ZFYVE9: variants seen among roughly 807,000 people sequenced by gnomAD.
The protein encoded by ZFYVE9 is zinc finger FYVE-type containing 9.
A neutral mutation model predicts 126.7 loss-of-function variants in ZFYVE9; 43 were observed. The ratio of observed to expected loss-of-function variants is 0.34; its 90% CI spans 0.27 to 0.44. The LOEUF (loss-of-function observed/expected upper bound fraction) is 0.44. ZFYVE9 is among the 20% of genes least tolerant of loss of function. The probability of loss-of-function intolerance (pLI) is 1.00; values close to 1 mark genes in which losing one functional copy is unlikely to be tolerated. For missense variants in ZFYVE9, 1,476 were observed against 1,697.0 expected, an observed-to-expected ratio of 0.87 and a Z score of 2.29; for synonymous variants, 521 against 597.4, an observed-to-expected ratio of 0.87 and a Z score of 1.87.
At chr1:52,249,100 C>G (rs1286203390) in intron 4 of ZFYVE9, among the ~76,000 whole-genome samples, 1 of 152,200 alleles carries the variant, frequency 6.6e-6, no homozygotes, top group Non-Finnish European at 1.5e-5. Context: ...TTTGCATGCT[C>G]TGTCTCTCCT....
chr1:52,303,927 T>C lies in ZFYVE9; in HGVS notation c.3438+2T>C. ...ATTCCCAGCAACAGATACAATGAGGTAAGATTTACCATGAAGGCGTATTTT... is the reference window on the plus strand; with the variant it reads ...ATTCCCAGCAACAGATACAATGAGGCAAGATTTACCATGAAGGCGTATTTT... On this transcript the variant is annotated splice_donor_variant, in intron 13 of 18. Transcript: ENST00000287727. LOFTEE classifies it high-confidence loss of function. 6.3e-7 allele frequency: 1 copy of C among 1,588,004 alleles called. No homozygotes were observed. Among genetic ancestry groups the C allele is most frequent in the Non-Finnish European group, 8.6e-7 (1 of 1,167,670 alleles).
At chr1:52,318,414 G>A (rs1255011957) in intron 13 of ZFYVE9, among the ~76,000 whole-genome samples, 1 of 135,308 alleles carries the variant, frequency 7.4e-6, no homozygotes, top group South Asian at 2.4e-4. Context: ...GTGTGTGTGT[G>A]TATCTTGGCA....
chr1:52,198,120 G>GTTTTTTTTTTTTTT lies in ZFYVE9; in HGVS notation c.-142-18246_-142-18245insTTTTTTTTTTTTTT, dbSNP rs373096573. On this transcript the variant is annotated intron_variant, in intron 1 of 18. Transcript: ENST00000287727. ...AAATAATATTGTAGTGTTTTTTTTT[G>GTTTTTTTTTTTTTT]TTTGTTTTTTTTTTTTTTTGAGATG... Among the ~76,000 whole-genome samples, 365 of 111,034 alleles carry GTTTTTTTTTTTTTT rather than the reference G, an allele frequency of 3.3e-3. 27 individuals are homozygous for GTTTTTTTTTTTTTT. The highest frequency in any genetic ancestry group is 6.2e-3 in the East Asian group (22 of 3,530). 72.8% of individuals were successfully genotyped at this position (111,034 alleles called of 152,430 possible). A position where few individuals can be genotyped will look rare whatever the true frequency, so the allele number is the denominator to read the frequency against.
intron 10 of ZFYVE9, 28 bp downstream of exon 10, chr1:52,281,844 T>C: frequency 2.5e-6 from 4 of 1,612,398 alleles, no homozygotes; most frequent in Non-Finnish European, 2.5e-6. Flanking sequence ...CTTAGTCTGC[T>C]CCCTTTGTAG....
chr1:52,234,859 T>C (rs1392978906), intron 3 of ZFYVE9, among the ~76,000 whole-genome samples: 1 of 152,212 alleles, frequency 6.6e-6, no homozygotes, highest in East Asian at 1.9e-4. Context: ...TTTTATTTGA[T>C]TTAGCCCTCT....
At chr1:52,159,821 A>C (rs1021456088) in intron 1 of ZFYVE9, among the ~76,000 whole-genome samples, 2 of 150,728 alleles carry the variant, frequency 1.3e-5, no homozygotes, top group East Asian at 3.9e-4. Flanking sequence ...TTTGAGATGG[A>C]GTCTCGCTCT....
At chr1:52,203,858 A>G (rs1263355988) in intron 1 of ZFYVE9, among the ~76,000 whole-genome samples, 2 of 152,084 alleles carry the variant, frequency 1.3e-5, no homozygotes, top group African/African-American at 4.8e-5. Context: ...AAGCCTATCA[A>G]AGGCATTCTT....
At chr1:52,150,850 A>AAT (rs1201423932) in intron 1 of ZFYVE9, among the ~76,000 whole-genome samples, 1 of 152,072 alleles carries the variant, frequency 6.6e-6, no homozygotes, top group East Asian at 1.9e-4. Context: ...ATTTATACAA[A>AAT]CTTTAATCTC....
Position 52,238,126 on chromosome 1 carries a change from C to T in ZFYVE9, c.709C>T (p.Leu237=), listed in dbSNP as rs750181716. ...TCTGTGTCCTACTTCATCTGATAGTCTAGCCAGTGTCTGTTCCCCTTCACA... is the reference window on the plus strand; with the variant it reads ...TCTGTGTCCTACTTCATCTGATAGTTTAGCCAGTGTCTGTTCCCCTTCACA... ...NHLCPTSSDS[L]ASVCSPSQLK... Residue 237 remains leucine, a synonymous_variant, in exon 4 of 19, where the codon CTA becomes TTA. Transcript: ENST00000287727. 1 of 1,613,988 alleles carries T rather than the reference C, an allele frequency of 6.2e-7. No individual in the cohort carries two copies. Among genetic ancestry groups the T allele is most frequent in the Non-Finnish European group, 8.5e-7 (1 of 1,179,980 alleles).
chr1:52,278,416 A>G (rs1271900401), intron 8 of ZFYVE9, 76 bp from the exon 9 acceptor site: 2 of 1,555,668 alleles, frequency 1.3e-6, no homozygotes, highest in African/African-American at 2.7e-5. Context: ...GTGAATAATT[A>G]GCTCATTTCT....
chr1:52,209,557 A>G (rs1339543239), intron 1 of ZFYVE9, among the ~76,000 whole-genome samples: 9 of 152,086 alleles, frequency 5.9e-5, no homozygotes, highest in African/African-American at 2.2e-4. Context: ...GGACGTGCCT[A>G]TTCTGGACAT....
intron 1 of ZFYVE9, among the ~76,000 whole-genome samples, chr1:52,205,534 A>AT (rs1209344590): frequency 1.7e-3 from 232 of 136,640 alleles, no homozygotes; most frequent in African/African-American, 7.6e-3. Flanking sequence ...TGGCTAATTA[A>AT]ATTTTTTTTT....
At chr1:52,182,795 TTTAAA>T (rs1644725143) in intron 1 of ZFYVE9, among the ~76,000 whole-genome samples, 1 of 152,058 alleles carries the variant, frequency 6.6e-6, no homozygotes, top group Non-Finnish European at 1.5e-5. Context: ...GGAACTCTTT[TTTAAA>T]TTATAGTATT....
chr1:52,258,740 G>T (rs1645548041), intron 4 of ZFYVE9, among the ~76,000 whole-genome samples: 1 of 152,132 alleles, frequency 6.6e-6, no homozygotes. Context: ...GCGTTGAAGA[G>T]TCATCTACTT....
At chr1:52,150,354 A>G (rs1263484769) in intron 1 of ZFYVE9, 1 of 152,262 alleles carries the variant, frequency 6.6e-6, no homozygotes, top group East Asian at 1.9e-4. Context: ...GCTGATCAGT[A>G]GTGGGATCAT....
chr1:52,159,856 C>T lies in ZFYVE9; in HGVS notation c.-143+17453C>T, dbSNP rs187584039. 2.6e-3 allele frequency among the ~76,000 whole-genome samples: 389 copies of T among 151,318 alleles called. 2 individuals are homozygous for T. Among genetic ancestry groups the T allele is most frequent in the African/African-American group, 8.2e-3 (339 of 41,184 alleles). ...TGTCACCCAGGCTGGAGTGCAGTGG[C>T]GAGATCTCGGCTCACTGCAAGCTCC... On this transcript the variant is annotated intron_variant, in intron 1 of 18. Transcript: ENST00000287727.
chr1:52,346,328 A>C lies in ZFYVE9; in HGVS notation c.*107A>C. 8.1e-5 allele frequency: 28 copies of C among 346,664 alleles called. No individual in the cohort carries two copies. The highest frequency in any genetic ancestry group is 1.4e-4 in the Non-Finnish European group (26 of 187,486). The allele number at this position is 346,664 out of a possible 1,614,324, so 21.5% of individuals were successfully genotyped here. ...GATTAAGCTTTTGTTAACACTATTA[A>C]TGGGGTGGGGAATAGGGTGGGAGTG... is the stretch of plus-strand genomic sequence containing the variant. On this transcript the variant is annotated 3_prime_UTR_variant, in exon 19 of 19. Transcript: ENST00000287727.
intron 1 of ZFYVE9, among the ~76,000 whole-genome samples, chr1:52,184,222 GATATAT>G (rs375204928): frequency 1.4e-5 from 2 of 139,256 alleles, no homozygotes; most frequent in Non-Finnish European, 3.1e-5. Flanking sequence ...TATATATATA[GATATAT>G]ATATATATAT....
intron 1 of ZFYVE9, among the ~76,000 whole-genome samples, chr1:52,181,785 G>C (rs1441362687): frequency 6.6e-6 from 1 of 152,080 alleles, no homozygotes; most frequent in East Asian, 2.0e-4. Flanking sequence ...ACCCCGTCTG[G>C]GAGGTGAGGA....
Sources: allele counts gnomAD v4.1 joint callset (sites outside exome capture counted in the v4.1 genomes callset), GRCh38; gene constraint gnomAD v4.1.1; transcripts MANE v1.5; gene names NCBI Gene and HGNC (gene_info 2026-07-23, HGNC 2026-07-21).